MACROD2: variants seen among roughly 807,000 people sequenced by gnomAD.
The protein encoded by MACROD2 is mono-ADP ribosylhydrolase 2, also known as ADP-ribose glycohydrolase MACROD2.
A neutral mutation model predicts 70.4 loss-of-function variants in MACROD2; 36 were observed. That is an observed-to-expected ratio of 0.51 (90% CI 0.39 to 0.68). MACROD2 has a LOEUF of 0.68. MACROD2 is among the 30% of genes least tolerant of loss of function. The pLI is 0.00. For synonymous variants in MACROD2, 172 were observed against 178.8 expected (o/e 0.96, Z 0.30); for missense variants, 496 against 538.4 (o/e 0.92, Z 0.78).
chr20:14,792,467 A>G (rs753487553), intron 5 of MACROD2, among the ~76,000 whole-genome samples: 1 of 152,120 alleles, frequency 6.6e-6, no homozygotes, highest in Non-Finnish European at 1.5e-5. Flanking sequence ...TAGTCTTCAA[A>G]GATTAAAGCT....
At chr20:15,051,772 C>T (rs1382707266) in intron 5 of MACROD2, among the ~76,000 whole-genome samples, 2 of 134,600 alleles carry the variant, frequency 1.5e-5, no homozygotes, top group South Asian at 2.3e-4. Context: ...TTTTTTTTGA[C>T]GGAGTCTTTC....
Position 14,630,751 on chromosome 20 carries a change from T to C in MACROD2, c.302-54092T>C, listed in dbSNP as rs182207350. On this transcript the variant is annotated intron_variant, in intron 4 of 17. Transcript: ENST00000684519. ...GAACAAAATTTAAATTAAAAAAATA[T>C]AGTTATCTACATTTGAAAGAGTTCC... 7.4e-4 allele frequency among the ~76,000 whole-genome samples: 113 copies of C among 152,338 alleles called. 1 individual carries two copies. The highest frequency in any genetic ancestry group is 2.5e-3 in the African/African-American group (105 of 41,584).
chr20:15,698,549 C>A (rs1349004316), intron 8 of MACROD2, among the ~76,000 whole-genome samples: 1 of 152,072 alleles, frequency 6.6e-6, no homozygotes, highest in Non-Finnish European at 1.5e-5. Context: ...TGACAATGTG[C>A]CTAGGTGAAG....
At chr20:15,920,355 T>C (rs1238895775) in intron 10 of MACROD2, among the ~76,000 whole-genome samples, 3 of 152,140 alleles carry the variant, frequency 2.0e-5, no homozygotes, top group Non-Finnish European at 4.4e-5. Context: ...AGTCAAAATG[T>C]ACAACGCAGA....
intron 5 of MACROD2, among the ~76,000 whole-genome samples, chr20:14,761,020 C>T (rs574315456): frequency 6.6e-6 from 1 of 152,122 alleles, no homozygotes; most frequent in African/African-American, 2.4e-5. Flanking sequence ...GGAGCTCCTC[C>T]TCATTGTTTC....
At chr20:14,957,429 T>G (rs1418252200) in intron 5 of MACROD2, among the ~76,000 whole-genome samples, 1 of 152,122 alleles carries the variant, frequency 6.6e-6, no homozygotes, top group Non-Finnish European at 1.5e-5. Context: ...CAGGCACACT[T>G]TGGGACATTG....
chr20:14,840,997 A>G (rs1221179707), intron 5 of MACROD2, among the ~76,000 whole-genome samples: 2 of 152,166 alleles, frequency 1.3e-5, no homozygotes, highest in Non-Finnish European at 2.9e-5. Context: ...ATTTCAAAAA[A>G]TGTATTTGTA....
chr20:15,325,192 G>A (rs2077915515), intron 6 of MACROD2, among the ~76,000 whole-genome samples: 1 of 152,068 alleles, frequency 6.6e-6, no homozygotes, highest in African/African-American at 2.4e-5. Context: ...CAATAGCTCT[G>A]GATAGCTAGG....
chr20:15,064,656 C>G (rs36117800), intron 5 of MACROD2, among the ~76,000 whole-genome samples: 1 of 152,156 alleles, frequency 6.6e-6, no homozygotes. Context: ...GCATAGCAAT[C>G]TCAACCTCCC....
chr20:14,701,155 G>C (rs1932952), intron 5 of MACROD2, among the ~76,000 whole-genome samples: 56,403 of 151,886 alleles, frequency 0.37, 11,035 homozygotes, highest in East Asian at 0.6. Flanking sequence ...AAACAGAAAT[G>C]ACTCAAAAGT....
chr20:14,421,693 T>C (rs2083877422), intron 3 of MACROD2, among the ~76,000 whole-genome samples: 1 of 152,180 alleles, frequency 6.6e-6, no homozygotes, highest in Non-Finnish European at 1.5e-5. Context: ...TTAATTTCCA[T>C]ATACTTATGA....
intron 3 of MACROD2, among the ~76,000 whole-genome samples, chr20:14,172,898 T>A (rs1449650844): frequency 6.6e-6 from 1 of 152,220 alleles, no homozygotes; most frequent in Non-Finnish European, 1.5e-5. Flanking sequence ...CCTTCATTTA[T>A]GAAGCTTAGT....
chr20:15,594,485 C>T (rs2048721555), intron 8 of MACROD2, among the ~76,000 whole-genome samples: 1 of 152,134 alleles, frequency 6.6e-6, no homozygotes, highest in South Asian at 2.1e-4. Context: ...CTGGGCTGCC[C>T]TCCAGAAAGG....
At chr20:14,769,502 T>C (rs2072137040) in intron 5 of MACROD2, among the ~76,000 whole-genome samples, 1 of 152,152 alleles carries the variant, frequency 6.6e-6, no homozygotes, top group Non-Finnish European at 1.5e-5. Context: ...AGAACAATGA[T>C]ACACTGCTCT....
At chr20:15,519,868 TGAG>T (rs1209854713) in intron 8 of MACROD2, among the ~76,000 whole-genome samples, 4 of 152,132 alleles carry the variant, frequency 2.6e-5, no homozygotes, top group Non-Finnish European at 5.9e-5. Flanking sequence ...CAGAGCAAAA[TGAG>T]GTTGCTCTCC....
At chr20:15,357,936 A>T (rs2078307596) in intron 6 of MACROD2, among the ~76,000 whole-genome samples, 1 of 151,414 alleles carries the variant, frequency 6.6e-6, no homozygotes, top group African/African-American at 2.4e-5. Flanking sequence ...CCTCCCGATT[A>T]GCTGGGACTA....
At chr20:15,717,064 T>A (rs2050717484) in intron 8 of MACROD2, among the ~76,000 whole-genome samples, 1 of 152,218 alleles carries the variant, frequency 6.6e-6, no homozygotes, top group Non-Finnish European at 1.5e-5. Context: ...AACTGTTTCT[T>A]TCTGACTTAA....
chr20:14,146,746 T>C (rs1036441443), intron 3 of MACROD2, among the ~76,000 whole-genome samples: 1 of 152,124 alleles, frequency 6.6e-6, no homozygotes. Flanking sequence ...GCCTTTTAGA[T>C]TGATAGGATG....
intron 3 of MACROD2, among the ~76,000 whole-genome samples, chr20:14,200,712 T>C (rs1358355292): frequency 1.3e-5 from 2 of 152,226 alleles, no homozygotes; most frequent in African/African-American, 4.8e-5. Flanking sequence ...GTGTGCACAG[T>C]TTGGTAAATC....
Sources: gnomAD v4.1 joint callset for allele counts (sites outside exome capture counted in the v4.1 genomes callset) on GRCh38, gnomAD v4.1.1 for gene constraint, MANE v1.5 for transcripts, NCBI Gene and HGNC (gene_info 2026-07-23, HGNC 2026-07-21) for gene names.